The following DNAH5 variants were observed in gnomAD, a reference collection of about 807,000 sequenced individuals.
DNAH5 encodes axonemal beta dynein heavy chain 5.
A neutral mutation model predicts 518.2 loss-of-function variants in DNAH5; 372 were observed. That is an observed-to-expected ratio of 0.72 (90% CI 0.66 to 0.78). The LOEUF (loss-of-function observed/expected upper bound fraction) is 0.78, where lower values mean the gene tolerates loss of function less well. Ranked by LOEUF, DNAH5 falls within the 30% of genes least tolerant of loss-of-function variation. The pLI is 0.00. For synonymous variants in DNAH5, 2,039 were observed against 2,025.9 expected, an observed-to-expected ratio of 1.01 and a Z score of -0.17; for missense variants, 5,523 against 5,687.0, an observed-to-expected ratio of 0.97 and a Z score of 0.93.
At chr5:13,716,338 A>G in intron 74 of DNAH5, 149 bp downstream of exon 74, 1 of 671,562 alleles carries the variant, frequency 1.5e-6, no homozygotes, top group Non-Finnish European at 2.7e-6. Context: ...TTGAGTATAA[A>G]AATATGAAGA....
At chr5:13,793,431 T>C in intron 49 of DNAH5, 84 bp downstream of exon 49, 1 of 1,154,188 alleles carries the variant, frequency 8.7e-7, no homozygotes, top group South Asian at 1.2e-5. Context: ...TCTTTCTGTG[T>C]GGGTCTTGGG....
chr5:13,946,634 T>C (rs1213694885), upstream of DNAH5, among the ~76,000 whole-genome samples: 2 of 152,202 alleles, frequency 1.3e-5, no homozygotes, highest in East Asian at 1.9e-4. Flanking sequence ...GGGCTCTATA[T>C]ATAGGACTCA....
chr5:13,774,629 T>G (rs1259061179), intron 55 of DNAH5, among the ~76,000 whole-genome samples: 2 of 152,158 alleles, frequency 1.3e-5, no homozygotes, highest in East Asian at 3.8e-4. Flanking sequence ...AATATGTACG[T>G]TCCGAATAAA....
At chr5:13,813,457 G>A (rs200033838) in intron 43 of DNAH5, among the ~76,000 whole-genome samples, 894 of 136,058 alleles carry the variant, frequency 6.6e-3, no homozygotes, top group Middle Eastern at 0.011. Flanking sequence ...GCACTTAAAA[G>A]AAAAAAAAAA....
chr5:13,896,536 G>C (rs778216265), intron 15 of DNAH5: 1 of 152,024 alleles, frequency 6.6e-6, no homozygotes, highest in Non-Finnish European at 1.5e-5. Context: ...TATTACAATA[G>C]ACTATATTAA....
chr5:13,776,431 A>G lies in DNAH5; in HGVS notation c.9373+8T>C, dbSNP rs573584736. 1.2e-6 allele frequency: 2 copies of G among 1,613,710 alleles called. No homozygotes were observed. The highest frequency in any genetic ancestry group is 1.7e-6 in the Non-Finnish European group (2 of 1,179,670). ...GTTATGCCCTGGCATAAACATTTCCATACTAACCAGCAACTAAAGCATCTT... is the reference window on the plus strand; with the variant it reads ...GTTATGCCCTGGCATAAACATTTCCGTACTAACCAGCAACTAAAGCATCTT... On this transcript the variant is annotated splice_region_variant and intron_variant, in intron 55 of 78. Coordinates refer to ENST00000265104, the MANE Select transcript of DNAH5 (RefSeq NM_001369.3).
At chr5:13,917,342 C>T in intron 7 of DNAH5, 86 bp from the exon 8 acceptor site, 3 of 946,918 alleles carry the variant, frequency 3.2e-6, no homozygotes, top group Admixed American at 3.7e-5. Context: ...CACCACAAGT[C>T]CATTAGGCGA....
upstream of DNAH5, among the ~76,000 whole-genome samples, chr5:13,946,062 T>A (rs1406627666): frequency 6.6e-6 from 1 of 152,298 alleles, no homozygotes; most frequent in East Asian, 1.9e-4. Context: ...CCTCCTCACA[T>A]GGCATCTCCT....
chr5:13,999,021 G>A lies in DNAH5; in HGVS notation c.12+12627C>T, dbSNP rs182692118. On this transcript the variant is annotated intron_variant, in intron 1 of 78. Transcript: ENST00000681290. ...CGAGTACCTGGGACTACAGGCATGC[G>A]CCACCATGCCCAGCTAATTTTTGTA... Among the ~76,000 whole-genome samples the A allele has an allele frequency of 1.5e-3, 231 of 152,122 alleles. 4 individuals are homozygous for A. In the East Asian group the frequency reaches 0.037, roughly 25 times the overall value.
At chr5:13,810,294 G>T (rs1294102259) in intron 44 of DNAH5, 34 bp from the exon 45 acceptor site, 20 of 1,536,592 alleles carry the variant, frequency 1.3e-5, no homozygotes, top group Non-Finnish European at 1.8e-5. Flanking sequence ...TTAATAACTT[G>T]ATTCTGAAAC....
At chr5:13,992,744 C>G (rs566704251) in intron 1 of DNAH5, among the ~76,000 whole-genome samples, 3 of 152,032 alleles carry the variant, frequency 2.0e-5, no homozygotes, top group African/African-American at 7.2e-5. Flanking sequence ...AAAAGGAGAT[C>G]AAAAAGGTAA....
In DNAH5 at chr5:13,923,347, G is replaced by C. The variant is rs1298981026; in HGVS notation, c.371C>G (p.Thr124Ser). 1 of 1,614,172 alleles carries C rather than the reference G, an allele frequency of 6.2e-7. No individual in the cohort carries two copies. The highest frequency in any genetic ancestry group is 1.7e-5 in the Admixed American group (1 of 60,026). Reference protein sequence around the residue: ...FVTEGNDVALTGVCVFFIRTD... With the variant: ...FVTEGNDVALSGVCVFFIRTD... ...CCTGATGAAGAACACACATACCCCA[G>C]TAAGAGCCACATCGTTTCCCTCGGT... Residue 124 changes from threonine to serine, a missense_variant, in exon 4 of 79, where the codon ACT becomes AGT. Around this residue, in one of 3 missense-constraint regions of DNAH5, gnomAD observed 5,121 missense variants for 5,223.3 expected, o/e 0.98. Coordinates refer to ENST00000265104, the MANE Select transcript of DNAH5 (RefSeq NM_001369.3).
Position 13,770,136 on chromosome 5 carries a change from T to C in DNAH5, c.9606-521A>G, listed in dbSNP as rs142504181. On this transcript the variant is annotated intron_variant, in intron 56 of 78. Transcript: ENST00000265104. ...TGGGAACCCTCCGAGTCATTTCGTG[T>C]AACTGCCCACCCAGGGATTCCTTAC... Among the ~76,000 whole-genome samples, 496 of 152,264 alleles carry C rather than the reference T, an allele frequency of 3.3e-3. 3 individuals carry two copies. Among genetic ancestry groups the C allele is most frequent in the African/African-American group, 0.011 (471 of 41,560 alleles).
intron 38 of DNAH5, among the ~76,000 whole-genome samples, chr5:13,825,680 T>C (rs1762800807): frequency 6.6e-6 from 1 of 152,144 alleles, no homozygotes; most frequent in Non-Finnish European, 1.5e-5. Flanking sequence ...AAACAGAAAG[T>C]AGAATGATGG....
At position 13,691,986 on chromosome 5, in the gene DNAH5, A is replaced by G; in HGVS notation, c.13873T>C (p.Ter4625GlnextTer16). ...RGVALLCDVK[*>Q] ...TGGGTGGGGACACTCCCCACATGTT[A>G]CTTGACATCACACAGAAGGGCAACC... The change falls in exon 79 of 79, where the codon TAA becomes CAA. Residue 4625 changes from the stop codon to glutamine, a stop_lost. Coordinates refer to ENST00000265104, the MANE Select transcript of DNAH5 (RefSeq NM_001369.3). The G allele has an allele frequency of 2.5e-6, 4 of 1,614,106 alleles. No homozygotes were observed. The highest frequency in any genetic ancestry group is 3.4e-6 in the Non-Finnish European group (4 of 1,179,972).
chr5:13,930,082 C>T (rs1373471172), intron 2 of DNAH5, among the ~76,000 whole-genome samples: 2 of 152,144 alleles, frequency 1.3e-5, no homozygotes, highest in Admixed American at 6.5e-5. Flanking sequence ...AGGAGAAGCA[C>T]ATTTCCTCAG....
At chr5:14,003,848 T>C (rs1250569378) in intron 1 of DNAH5, among the ~76,000 whole-genome samples, 2 of 152,138 alleles carry the variant, frequency 1.3e-5, no homozygotes, top group Admixed American at 6.5e-5. Context: ...AAGTGACCCA[T>C]GTGAAGACAC....
chr5:13,901,701 A>G, intron 13 of DNAH5, 128 bp from the exon 14 acceptor site: 1 of 639,852 alleles, frequency 1.6e-6, no homozygotes, highest in South Asian at 2.7e-5. Context: ...AGAATGAGAT[A>G]TTTACATGGA....
At chr5:13,953,090 A>G (rs551218448) in intron 1 of DNAH5, among the ~76,000 whole-genome samples, 8 of 152,344 alleles carry the variant, frequency 5.3e-5, no homozygotes, top group African/African-American at 1.9e-4. Flanking sequence ...CATAAACTTC[A>G]TTTCTCATAC....
Sources: allele counts gnomAD v4.1 joint callset (sites outside exome capture counted in the v4.1 genomes callset), GRCh38; gene constraint gnomAD v4.1.1; regional missense constraint gnomAD v4.1.1; transcripts MANE v1.5; gene names NCBI Gene and HGNC (gene_info 2026-07-23, HGNC 2026-07-21).